The following COL6A2 variants were observed in gnomAD, a reference collection of about 807,000 sequenced individuals.
COL6A2 encodes collagen alpha-2(VI) chain.
COL6A2 carries 90 observed loss-of-function variants against 124.9 expected under a neutral mutation model. That is an observed-to-expected ratio of 0.72 (90% confidence interval 0.61 to 0.86). The LOEUF is 0.86. Ranked by LOEUF, COL6A2 falls within the 40% of genes least tolerant of loss-of-function variation. COL6A2 has a pLI of 0.00. For synonymous variants in COL6A2, 793 were observed against 618.2 expected, an observed-to-expected ratio of 1.28 and a Z score of -4.19; for missense variants, 1,607 against 1,502.5, an observed-to-expected ratio of 1.07 and a Z score of -1.15.
Position 46,116,158 on chromosome 21 carries a change from C to G in COL6A2, c.900+105C>G. 1.6e-6 allele frequency: 2 copies of G among 1,286,072 alleles called. No individual in the cohort carries two copies. The highest frequency in any genetic ancestry group is 1.3e-5 in the South Asian group (1 of 78,850). 79.7% of individuals were successfully genotyped at this position (1,286,072 alleles called of 1,614,324 possible). A position where few individuals can be genotyped will look rare whatever the true frequency, so the allele number is the denominator to read the frequency against. On this transcript the variant is annotated intron_variant, in intron 7 of 27. Transcript: ENST00000300527. The surrounding 1 kb of genome is among the most constrained non-coding windows in gnomAD (Gnocchi z 4.6). ...GCCTCAGCCTCTACGACCCTCCCCC[C>G]AGTTACCAAGGAACAGAAGCACCTC...
At chr21:46,118,804 G>A (rs1006103876) in intron 13 of COL6A2, 128 bp downstream of exon 13, 13 of 1,201,166 alleles carry the variant, frequency 1.1e-5, no homozygotes, top group Non-Finnish European at 1.4e-5. Context: ...GGGGACACGG[G>A]GAGGGACAGG....
chr21:46,121,682 AG>A, intron 18 of COL6A2, 64 bp downstream of exon 18: 1 of 1,542,784 alleles, frequency 6.5e-7, no homozygotes, highest in Non-Finnish European at 8.9e-7. Flanking sequence ...GGAGCAGGAC[AG>A]GGGGCCGGCC....
rs2078479205 is a variant in COL6A2, at chr21:46,116,847, G to C, written c.999+33G>C. On this transcript the variant is annotated intron_variant, in intron 10 of 27. Transcript: ENST00000300527. This position sits in a 1 kb window ranked among gnomAD's most constrained non-coding sequence, Gnocchi z 4.6. ...GAGCCTCGGGCTCACAGCTGGACTG[G>C]TCTCACAGAGGCATCCCAGCCTCTG... The C allele has an allele frequency of 1.2e-6, 2 of 1,611,800 alleles. No homozygotes were observed. Among genetic ancestry groups the C allele is most frequent in the Admixed American group, 1.7e-5 (1 of 59,974 alleles).
chr21:46,100,500 G>A (rs1439253245), intron 1 of COL6A2, among the ~76,000 whole-genome samples: 1 of 152,236 alleles, frequency 6.6e-6, no homozygotes, highest in East Asian at 1.9e-4. Flanking sequence ...CATCACCAAG[G>A]TCCATCTCCG....
chr21:46,125,436 AC>A (rs748509929), intron 24 of COL6A2, 28 bp from the exon 25 acceptor site: 5 of 1,503,842 alleles, frequency 3.3e-6, no homozygotes, highest in South Asian at 2.3e-5. Context: ...TCTCCCCGGT[AC>A]CCCCCGATGA....
chr21:46,101,612 T>C (rs1239708164), intron 1 of COL6A2, among the ~76,000 whole-genome samples: 1 of 152,216 alleles, frequency 6.6e-6, no homozygotes, highest in Non-Finnish European at 1.5e-5. Flanking sequence ...TTCTTTTGCA[T>C]GTGGATATCT....
chr21:46,125,940 T>TTTGCCTACGACCGCCTCATCAAGG lies in COL6A2; in HGVS notation c.2126_2149dup (p.Lys716_Glu717insValAlaTyrAspArgLeuIleLys). ...CACCTGGACACCCTCAGCCCTCAAG[T>TTTGCCTACGACCGCCTCATCAAGG]TTGCCTACGACCGCCTCATCAAGGA... On this transcript the variant is annotated inframe_insertion, in exon 26 of 28. Coordinates refer to ENST00000300527, the MANE Select transcript of COL6A2 (RefSeq NM_001849.4). The TTTGCCTACGACCGCCTCATCAAGG allele has an allele frequency of 6.2e-7, 1 of 1,613,064 alleles. No individual in the cohort carries two copies. Among genetic ancestry groups the TTTGCCTACGACCGCCTCATCAAGG allele is most frequent in the Non-Finnish European group, 8.5e-7 (1 of 1,179,946 alleles).
Position 46,121,054 on chromosome 21 carries a change from C to T in COL6A2, c.1396-7C>T, listed in dbSNP as rs1209936934. Reference sequence around the variant, plus strand: ...AGAGAACCCCAAATTCCTCCCCTTTCTTCCAGGGAGACCGAGGCTTGCCTG... The same window carrying T: ...AGAGAACCCCAAATTCCTCCCCTTTTTTCCAGGGAGACCGAGGCTTGCCTG... On this transcript the variant is annotated splice_region_variant and splice_polypyrimidine_tract_variant and intron_variant, in intron 16 of 27. Coordinates refer to ENST00000300527, the MANE Select transcript of COL6A2 (RefSeq NM_001849.4). 1.2e-6 allele frequency: 2 copies of T among 1,612,692 alleles called. No individual in the cohort carries two copies. Among genetic ancestry groups the T allele is most frequent in the Non-Finnish European group, 1.7e-6 (2 of 1,179,848 alleles).
chr21:46,117,118 C>T (rs1263866526), intron 10 of COL6A2, among the ~76,000 whole-genome samples: 2 of 152,232 alleles, frequency 1.3e-5, no homozygotes, highest in South Asian at 2.1e-4. Flanking sequence ...CAGCCCCACC[C>T]ACTCCTTCCA....
At chr21:46,122,582 G>C in intron 20 of COL6A2, 51 bp downstream of exon 20, 1 of 1,590,924 alleles carries the variant, frequency 6.3e-7, no homozygotes, top group East Asian at 2.2e-5. Context: ...GGGTCTGCAC[G>C]CCCAATTGCT....
chr21:46,128,836 G>A (rs1457870788), intron 27 of COL6A2: 2 of 1,340,658 alleles, frequency 1.5e-6, no homozygotes, highest in Non-Finnish European at 2.1e-6. Flanking sequence ...GGGGTGGCTG[G>A]GGTCTTCCTG....
Position 46,121,045 on chromosome 21 carries a change from C to T in COL6A2, c.1396-16C>T, listed in dbSNP as rs1383092133. On this transcript the variant is annotated splice_polypyrimidine_tract_variant and intron_variant, in intron 16 of 27. Transcript: ENST00000300527. ...TGTCAGTCAAGAGAACCCCAAATTC[C>T]TCCCCTTTCTTCCAGGGAGACCGAG... 6.2e-6 allele frequency: 10 copies of T among 1,612,512 alleles called. No homozygotes were observed. The highest frequency in any genetic ancestry group is 7.6e-6 in the Non-Finnish European group (9 of 1,179,686).
At position 46,116,926 on chromosome 21, in the gene COL6A2, T is replaced by TACACACAC. The variant is rs59060956; in HGVS notation, c.999+135_999+142dup. 16,180 of 637,198 alleles carry TACACACAC rather than the reference T, an allele frequency of 0.025. 107 individuals carry two copies. Among genetic ancestry groups the TACACACAC allele is most frequent in the African/African-American group, 0.046 (2,530 of 54,442 alleles). 39.5% of individuals were successfully genotyped at this position (637,198 alleles called of 1,614,324 possible). On this transcript the variant is annotated intron_variant, in intron 10 of 27. Transcript: ENST00000300527. The surrounding 1 kb of genome is among the most constrained non-coding windows in gnomAD (Gnocchi z 4.6). The stretch of plus-strand genomic sequence containing the variant: ...CAGCTTACACATGTGTACACACGCA[T>TACACACAC]ACACACACACACACACACACACACA...
At chr21:46,106,290 T>G (rs949356698) in intron 1 of COL6A2, among the ~76,000 whole-genome samples, 1 of 152,230 alleles carries the variant, frequency 6.6e-6, no homozygotes, top group African/African-American at 2.4e-5. Flanking sequence ...CTCATATTGC[T>G]TTTGTTGTAA....
chr21:46,105,427 A>G (rs2078326414), intron 1 of COL6A2, among the ~76,000 whole-genome samples: 1 of 152,228 alleles, frequency 6.6e-6, no homozygotes, highest in South Asian at 2.1e-4. Flanking sequence ...AGGTAAATAT[A>G]TAGACAATTA....
At chr21:46,127,050 T>G (rs1285107037) in intron 27 of COL6A2, among the ~76,000 whole-genome samples, 1 of 152,156 alleles carries the variant, frequency 6.6e-6, no homozygotes, top group East Asian at 1.9e-4. Context: ...GTCCCGGATG[T>G]GGCCCACGTG....
intron 20 of COL6A2, 79 bp downstream of exon 20, chr21:46,122,610 C>G (rs553529129): frequency 6.7e-6 from 10 of 1,493,872 alleles, no homozygotes; most frequent in Non-Finnish European, 8.4e-6. Flanking sequence ...CAATGCCCAC[C>G]GTCACTGACA....
chr21:46,126,104 C>G lies in COL6A2; in HGVS notation c.2289C>G (p.Phe763Leu). 6.2e-7 allele frequency: 1 copy of G among 1,612,770 alleles called. No individual in the cohort carries two copies. Among genetic ancestry groups the G allele is most frequent in the Non-Finnish European group, 8.5e-7 (1 of 1,180,022 alleles). ...TVTAIGIGDMFHEKHESENLY... is the reference protein window; with the variant it reads ...TVTAIGIGDMLHEKHESENLY... Reference sequence around the variant, plus strand: ...CGGCCATCGGCATCGGGGACATGTTCCACGAGAAGCACGAGAGTGAAAACC... The same window carrying G: ...CGGCCATCGGCATCGGGGACATGTTGCACGAGAAGCACGAGAGTGAAAACC... The change falls in exon 26 of 28, where the codon TTC becomes TTG. Residue 763 changes from phenylalanine (F) to leucine (L), a missense_variant. Phe to Leu is a conservative substitution (Grantham distance 22). This residue lies in a region of COL6A2 where 1,223 missense variants were observed against 1,052.2 expected (regional missense o/e 1.16). Transcript: ENST00000300527.
intron 27 of COL6A2, among the ~76,000 whole-genome samples, 184 bp from the exon 28 acceptor site, chr21:46,131,770 G>C (rs1243276797): frequency 6.6e-6 from 1 of 152,142 alleles, no homozygotes; most frequent in Non-Finnish European, 1.5e-5. Context: ...CAGCAGTGCC[G>C]CCTGAAAGTG....
Sources: gnomAD v4.1 joint callset for allele counts (sites outside exome capture counted in the v4.1 genomes callset) on GRCh38, gnomAD v4.1.1 for gene constraint, gnomAD v4.1.1 regional missense constraint, Gnocchi (gnomAD v3.1) non-coding constraint, MANE v1.5 for transcripts, NCBI Gene and HGNC (gene_info 2026-07-23, HGNC 2026-07-21) for gene names.